Variants in KCND3 observed in about 807,000 individuals in gnomAD.
KCND3 encodes the protein A-type voltage-gated potassium channel KCND3.
A neutral mutation model predicts 51.1 loss-of-function variants in KCND3; 9 were observed. The observed-to-expected ratio is 0.18, with a 90% CI of 0.11 to 0.31. KCND3 has a LOEUF of 0.31. KCND3 is among the 10% of genes least tolerant of loss of function. The pLI, the probability that KCND3 is intolerant of heterozygous loss-of-function variation, is 1.00. For missense variants in KCND3, 526 were observed against 903.8 expected (o/e 0.58, Z 5.36); for synonymous variants, 349 against 368.0 (o/e 0.95, Z 0.59).
Position 111,770,985 on chromosome 1 carries a change from A to G in KCND3, c.*5092T>C, listed in dbSNP as rs1346947076. ...AATGGGGGGAAGGGTGTGACCTCTAAGGAAAACATTACATTGGAATGTCTG... is the reference window on the plus strand; with the variant it reads ...AATGGGGGGAAGGGTGTGACCTCTAGGGAAAACATTACATTGGAATGTCTG... On this transcript the variant is annotated 3_prime_UTR_variant, in exon 8 of 8. Transcript: ENST00000302127. 6.6e-6 allele frequency: 1 copy of G among 152,192 alleles called. No individual in the cohort carries two copies. The highest frequency in any genetic ancestry group is 1.5e-5 in the Non-Finnish European group (1 of 68,032). 9.4% of individuals were successfully genotyped at this position (152,192 alleles called of 1,614,324 possible).
At position 111,777,126 on chromosome 1, in the gene KCND3, G is replaced by T; in HGVS notation, c.1666C>A (p.His556Asn). Residue 556 changes from histidine to asparagine, a missense_variant, in exon 7 of 8, where the codon CAC becomes AAC. Physicochemically the swap from His to Asn is moderately conservative, Grantham distance 68. This residue lies in a region of KCND3 where 266 missense variants were observed against 305.5 expected (regional missense o/e 0.87). Coordinates refer to ENST00000302127, the MANE Select transcript of KCND3 (RefSeq NM_001378969.1). ...CCSRRSKKTT[H>N]LPNSNLPATR... ...GCTGGCAGGTTAGAATTGGGCAGGT[G>T]TGTGGTCTTCTTACTACGACGGGAG... 8 of 1,614,172 alleles carry T rather than the reference G, an allele frequency of 5.0e-6. No homozygotes were observed. The highest frequency in any genetic ancestry group is 6.8e-6 in the Non-Finnish European group (8 of 1,180,014).
intron 2 of KCND3, among the ~76,000 whole-genome samples, chr1:111,961,205 G>A (rs1557749054): frequency 6.6e-6 from 1 of 152,236 alleles, no homozygotes; most frequent in Non-Finnish European, 1.5e-5. Context: ...CACATATGCA[G>A]TGTGTGTCCT....
At chr1:111,806,292 C>A (rs1198221030) in intron 2 of KCND3, among the ~76,000 whole-genome samples, 2 of 152,226 alleles carry the variant, frequency 1.3e-5, no homozygotes, top group East Asian at 3.8e-4. Flanking sequence ...ATGCGGAAGC[C>A]CTGCTTATCG....
At chr1:111,798,214 C>T (rs1665142905) in intron 2 of KCND3, among the ~76,000 whole-genome samples, 1 of 152,178 alleles carries the variant, frequency 6.6e-6, no homozygotes, top group Non-Finnish European at 1.5e-5. Context: ...ACACTGTATG[C>T]ATCTGTGCTC....
chr1:111,779,952 A>T (rs1398915668), intron 5 of KCND3, among the ~76,000 whole-genome samples: 2 of 152,218 alleles, frequency 1.3e-5, no homozygotes, highest in Non-Finnish European at 2.9e-5. Context: ...TCAATAATCA[A>T]GAAATGGGCT....
intron 2 of KCND3, among the ~76,000 whole-genome samples, chr1:111,806,834 TC>T (rs1036188099): frequency 3.3e-5 from 5 of 152,274 alleles, no homozygotes; most frequent in African/African-American, 1.2e-4. Context: ...TTTTGCAGCT[TC>T]CCCACCCAGC....
intron 2 of KCND3, among the ~76,000 whole-genome samples, chr1:111,879,851 C>T (rs575548685): frequency 3.3e-5 from 5 of 152,100 alleles, no homozygotes; most frequent in East Asian, 3.9e-4. Context: ...CAGGCTGGTG[C>T]GGTAGTGTGG....
chr1:111,823,305 T>A (rs1666429947), intron 2 of KCND3, among the ~76,000 whole-genome samples: 1 of 151,806 alleles, frequency 6.6e-6, no homozygotes, highest in Non-Finnish European at 1.5e-5. Flanking sequence ...ATTTCATAGT[T>A]TTTTTTTCAA....
Position 111,820,188 on chromosome 1 carries a change from A to G in KCND3, c.1107-33082T>C, listed in dbSNP as rs376201856. ...ATGGAACTCCAGCTCTTCTCCAAAC[A>G]TGCTCTAAACTCTCCTGCCTCCAAG... On this transcript the variant is annotated intron_variant, in intron 2 of 7. Coordinates refer to ENST00000302127, the MANE Select transcript of KCND3 (RefSeq NM_001378969.1). 3.0e-4 allele frequency among the ~76,000 whole-genome samples: 46 copies of G among 152,232 alleles called. No individual in the cohort carries two copies. The South Asian group carries it at 8.7e-3, about 29-fold the overall frequency.
chr1:111,790,689 C>A (rs1011976317), intron 2 of KCND3, among the ~76,000 whole-genome samples: 1 of 152,198 alleles, frequency 6.6e-6, no homozygotes, highest in African/African-American at 2.4e-5. Flanking sequence ...CACTTCATAA[C>A]CCCTAAAAGA....
In KCND3 at chr1:111,777,099, T is replaced by A; in HGVS notation, c.1693A>T (p.Thr565Ser). The A allele has an allele frequency of 6.2e-7, 1 of 1,613,844 alleles. No homozygotes were observed. The highest frequency in any genetic ancestry group is 8.5e-7 in the Non-Finnish European group (1 of 1,179,920). ...THLPNSNLPA[T>S]RLRSMQELST... ...AGCTCTTGCATGCTGCGCAGGCGAG[T>A]AGCTGGCAGGTTAGAATTGGGCAGG... Residue 565 changes from threonine (T) to serine (S), a missense_variant, in exon 7 of 8, where the codon ACT becomes TCT. By Grantham distance (58) the Thr-to-Ser change is moderately conservative (BLOSUM62 1). Coordinates refer to ENST00000302127, the MANE Select transcript of KCND3 (RefSeq NM_001378969.1).
chr1:111,835,773 A>G (rs1158889993), intron 2 of KCND3, among the ~76,000 whole-genome samples: 1 of 152,254 alleles, frequency 6.6e-6, no homozygotes, highest in African/African-American at 2.4e-5. Context: ...CTTGTTTAGC[A>G]TATAATCAAG....
rs1557927958 is a variant in KCND3, at chr1:111,773,574, C to A, written c.*2503G>T. The A allele has an allele frequency of 6.6e-6, 1 of 151,950 alleles. No individual in the cohort carries two copies. Among genetic ancestry groups the A allele is most frequent in the Non-Finnish European group, 1.5e-5 (1 of 68,022 alleles). 9.4% of individuals were successfully genotyped at this position (151,950 alleles called of 1,614,324 possible). A position where few individuals can be genotyped will look rare whatever the true frequency, so the allele number is the denominator to read the frequency against. On this transcript the variant is annotated 3_prime_UTR_variant, in exon 8 of 8. Coordinates refer to ENST00000302127, the MANE Select transcript of KCND3 (RefSeq NM_001378969.1). ...TAGCTGGGATTACAGGGGTCCACCA[C>A]CATGCCTGGCTAATTTTTGTATTTT...
intron 2 of KCND3, among the ~76,000 whole-genome samples, chr1:111,953,196 G>A (rs544170671): frequency 6.6e-6 from 1 of 152,202 alleles, no homozygotes; most frequent in East Asian, 1.9e-4. Flanking sequence ...TGAGGTGCAA[G>A]GCCACCACAC....
intron 2 of KCND3, among the ~76,000 whole-genome samples, chr1:111,936,886 G>A (rs958706581): frequency 3.9e-5 from 6 of 152,184 alleles, no homozygotes; most frequent in East Asian, 1.9e-4. Context: ...TGGTACATAT[G>A]AGCCACTCAA....
intron 2 of KCND3, among the ~76,000 whole-genome samples, chr1:111,822,584 C>T (rs1186356488): frequency 6.6e-6 from 1 of 152,210 alleles, no homozygotes; most frequent in Non-Finnish European, 1.5e-5. Flanking sequence ...TAAGGATAGA[C>T]CACAGTTTGC....
At chr1:111,785,192 C>T (rs1007106990) in intron 3 of KCND3, among the ~76,000 whole-genome samples, 3 of 152,226 alleles carry the variant, frequency 2.0e-5, no homozygotes, top group Non-Finnish European at 4.4e-5. Context: ...GTGAACCTCA[C>T]CTGCTCTGCC....
At chr1:111,797,012 G>C (rs1331564173) in intron 2 of KCND3, among the ~76,000 whole-genome samples, 1 of 152,202 alleles carries the variant, frequency 6.6e-6, no homozygotes, top group Non-Finnish European at 1.5e-5. Flanking sequence ...TGGCTGTCCT[G>C]GGTGACAGAG....
chr1:111,900,061 T>G (rs1670311762), intron 2 of KCND3, among the ~76,000 whole-genome samples: 1 of 152,182 alleles, frequency 6.6e-6, no homozygotes, highest in African/African-American at 2.4e-5. Context: ...ATACTGTGTC[T>G]TGCCTGGGAC....
Sources: allele counts gnomAD v4.1 joint callset (sites outside exome capture counted in the v4.1 genomes callset), GRCh38; gene constraint gnomAD v4.1.1; regional missense constraint gnomAD v4.1.1; transcripts MANE v1.5; gene names NCBI Gene and HGNC (gene_info 2026-07-23, HGNC 2026-07-21).